DNAH1: variants seen among roughly 807,000 people sequenced by gnomAD.
DNAH1 encodes dynein axonemal heavy chain 1, also known as axonemal beta dynein heavy chain 1.
A neutral mutation model predicts 484.3 loss-of-function variants in DNAH1; 327 were observed. The ratio of observed to expected loss-of-function variants is 0.68; its 90% CI spans 0.62 to 0.74. The LOEUF is 0.74. Ranked by LOEUF, DNAH1 falls within the 30% of genes least tolerant of loss-of-function variation. DNAH1 has a pLI of 0.00. For missense variants in DNAH1, 5,052 were observed against 5,546.8 expected (o/e 0.91, Z 2.83); for synonymous variants, 2,192 against 2,191.9 (o/e 1.00, Z 0.00).
rs1194922869 is a variant in DNAH1, at chr3:52,364,274, C to G, written c.5245-364C>G. On this transcript the variant is annotated intron_variant, in intron 32 of 77. Coordinates refer to ENST00000420323, the MANE Select transcript of DNAH1 (RefSeq NM_015512.5). The surrounding 1 kb of genome is among the most constrained non-coding windows in gnomAD (Gnocchi z 4.2). ...GTTATGGGAGAATGTTAGAAGGAAGCTCAAGGGCCATCAAGGCCAAGCTGA... is the reference window on the plus strand; with the variant it reads ...GTTATGGGAGAATGTTAGAAGGAAGGTCAAGGGCCATCAAGGCCAAGCTGA... Among the ~76,000 whole-genome samples the G allele has an allele frequency of 6.6e-6, 1 of 152,230 alleles. No individual in the cohort carries two copies. Among genetic ancestry groups the G allele is most frequent in the African/African-American group, 2.4e-5 (1 of 41,458 alleles).
intron 8 of DNAH1, among the ~76,000 whole-genome samples, chr3:52,338,252 G>A (rs980392023): frequency 6.6e-6 from 1 of 152,150 alleles, no homozygotes; most frequent in South Asian, 2.1e-4. Context: ...GGGATTACAG[G>A]CGCCTACCAC....
At chr3:52,329,614 T>G (rs984639536) in intron 6 of DNAH1, among the ~76,000 whole-genome samples, 3 of 151,870 alleles carry the variant, frequency 2.0e-5, no homozygotes, top group Non-Finnish European at 4.4e-5. Context: ...GATCATGAGG[T>G]CAGGAGTTCA....
chr3:52,385,096 A>G, intron 53 of DNAH1, 119 bp downstream of exon 53: 1 of 1,265,120 alleles, frequency 7.9e-7, no homozygotes, highest in African/African-American at 1.5e-5. Flanking sequence ...ACGACGTTGA[A>G]GTGGGTGGCT....
intron 1 of DNAH1, among the ~76,000 whole-genome samples, chr3:52,319,569 C>T (rs1701068770): frequency 6.6e-6 from 1 of 152,260 alleles, no homozygotes; most frequent in African/African-American, 2.4e-5. Context: ...CTGGCCAGTT[C>T]CCTTCAACAT....
At position 52,361,907 on chromosome 3, in the gene DNAH1, C is replaced by G; in HGVS notation, c.4980+141C>G. 1 of 895,232 alleles carries G rather than the reference C, an allele frequency of 1.1e-6. No individual in the cohort carries two copies. The highest frequency in any genetic ancestry group is 1.7e-6 in the Non-Finnish European group (1 of 593,074). 55.5% of individuals were successfully genotyped at this position (895,232 alleles called of 1,614,324 possible). A position where few individuals can be genotyped will look rare whatever the true frequency, so the allele number is the denominator to read the frequency against. ...CTTGTCCCGGGGGCACACCCTAACC[C>G]CAGTCTGTGGGCAGCTCCCAGGCCA... On this transcript the variant is annotated intron_variant, in intron 30 of 77. Transcript: ENST00000420323. The surrounding 1 kb of genome is among the most constrained non-coding windows in gnomAD (Gnocchi z 5.6).
rs1329395615 is a variant in DNAH1, at chr3:52,360,095, G to A, written c.4571+16G>A. ...CACAGCTGAGGTGAGGACATGGGGG[G>A]CGCCCCCAGGGCCAGAGCAGCTGCC... On this transcript the variant is annotated intron_variant, in intron 27 of 77. Transcript: ENST00000420323. 18 of 1,613,554 alleles carry A rather than the reference G, an allele frequency of 1.1e-5. No homozygotes were observed. Among genetic ancestry groups the A allele is most frequent in the Non-Finnish European group, 1.5e-5 (18 of 1,179,842 alleles).
At position 52,346,865 on chromosome 3, in the gene DNAH1, A is replaced by G. The variant is rs957522247; in HGVS notation, c.1955+95A>G. ...GTCAGGGACCAGGGCCAGGGTGCCC[A>G]TCCATGCCAGGTCCCAGGCAGTAAG... On this transcript the variant is annotated intron_variant, in intron 11 of 77. Transcript: ENST00000420323. The G allele has an allele frequency of 4.4e-6, 6 of 1,370,172 alleles. No individual in the cohort carries two copies. In the Admixed American group the frequency reaches 6.7e-5, roughly 15 times the overall value. The allele number at this position is 1,370,172 out of a possible 1,614,324, so 84.9% of individuals were successfully genotyped here.
chr3:52,323,871 A>G lies in DNAH1; in HGVS notation c.397A>G (p.Thr133Ala). 2 of 1,575,180 alleles carry G rather than the reference A, an allele frequency of 1.3e-6. No homozygotes were observed. The highest frequency in any genetic ancestry group is 1.7e-6 in the Non-Finnish European group (2 of 1,160,228). ...LLRQADLDKF[T>A]PRVGSFEVPE... is the part of the protein sequence containing the mutation. ...GCGGCAGGCTGACCTTGACAAGTTC[A>G]CCCCAAGAGGTCAGTGCTCAGGAGG... is the stretch of plus-strand genomic sequence containing the variant. Residue 133 changes from threonine (T) to alanine (A), a missense_variant, in exon 3 of 78, where the codon ACC becomes GCC. This residue lies in a region of DNAH1 where 1,263 missense variants were observed against 1,218.8 expected (regional missense o/e 1.04). Coordinates refer to ENST00000420323, the MANE Select transcript of DNAH1 (RefSeq NM_015512.5).
chr3:52,357,974 C>T lies in DNAH1; in HGVS notation c.4057C>T (p.Leu1353=), dbSNP rs894473407. The change falls in exon 24 of 78, where the codon CTG becomes TTG. Residue 1353 remains leucine (L), a synonymous_variant. Coordinates refer to ENST00000420323, the MANE Select transcript of DNAH1 (RefSeq NM_015512.5). ...GGACCCCACGGCCGTGCAGCCACAC[C>T]TGCGCAAGTGCTTCGAGAACATCGC... The part of the protein sequence containing the change: ...TKDPTAVQPH[L]RKCFENIARL... 1 of 1,612,460 alleles carries T rather than the reference C, an allele frequency of 6.2e-7. No homozygotes were observed. The highest frequency in any genetic ancestry group is 1.7e-5 in the Admixed American group (1 of 59,930).
chr3:52,311,040 C>A, the DNAH1 span, among the ~76,000 whole-genome samples: 5 of 152,216 alleles, frequency 3.3e-5, no homozygotes, highest in Admixed American at 6.5e-5. Context: ...TACACACCCC[C>A]TTGTTTTTCA....
chr3:52,350,944 G>A (rs1305706005), intron 16 of DNAH1, among the ~76,000 whole-genome samples: 1 of 152,204 alleles, frequency 6.6e-6, no homozygotes, highest in African/African-American at 2.4e-5. Context: ...CGCCTCCAGG[G>A]TTCAAGTGAT....
Position 52,375,981 on chromosome 3 carries a change from C to T in DNAH1, c.7186C>T (p.Arg2396Trp), listed in dbSNP as rs771741555. 16 of 1,612,038 alleles carry T rather than the reference C, an allele frequency of 9.9e-6. No homozygotes were observed. Among genetic ancestry groups the T allele is most frequent in the African/African-American group, 1.3e-5 (1 of 74,752 alleles). ...TGGACTCCTTGGAGAAAAAAGCTAC[C>T]GGGAGCGTGTGCGTAAGTGTGGGCC... is the stretch of plus-strand genomic sequence containing the variant. ...LDGLLGEKSY[R>W]ERVPGAPHIA... The change falls in exon 46 of 78, where the codon CGG becomes TGG. Residue 2396 changes from arginine to tryptophan, a missense_variant. Arg to Trp is a moderately radical substitution (Grantham distance 101). This residue lies in a region of DNAH1 where 2,929 missense variants were observed against 3,409.4 expected (regional missense o/e 0.86). Coordinates refer to ENST00000420323, the MANE Select transcript of DNAH1 (RefSeq NM_015512.5).
chr3:52,394,958 C>T lies in DNAH1; in HGVS notation c.10867C>T (p.Gln3623Ter). Residue 3623 changes from glutamine (Q) to a stop codon, truncating the protein, a stop_gained, in exon 68 of 78, where the codon CAG (glutamine) becomes TAG (stop). Coordinates refer to ENST00000420323, the MANE Select transcript of DNAH1 (RefSeq NM_015512.5). LOFTEE classifies it high-confidence loss of function. ...GIWDQYLDQFQKLLVLRCLRG... is the reference protein window; with the variant it reads ...GIWDQYLDQF The stretch of plus-strand genomic sequence containing the variant: ...CTGGGACCAGTACCTAGACCAGTTC[C>T]AGAAGCTGCTAGTCCTCCGCTGCCT... 6.2e-7 allele frequency: 1 copy of T among 1,613,538 alleles called. No homozygotes were observed. The highest frequency in any genetic ancestry group is 8.5e-7 in the Non-Finnish European group (1 of 1,179,718).
rs929845081 is a variant in DNAH1 at position 52,364,628 on chromosome 3, A to G, written c.5245-10A>G. The G allele has an allele frequency of 9.9e-6, 16 of 1,613,786 alleles. No individual in the cohort carries two copies. The highest frequency in any genetic ancestry group is 1.4e-5 in the Non-Finnish European group (16 of 1,179,866). On this transcript the variant is annotated splice_polypyrimidine_tract_variant and intron_variant, in intron 32 of 77. Transcript: ENST00000420323. The surrounding 1 kb of genome is among the most constrained non-coding windows in gnomAD (Gnocchi z 4.2). The stretch of plus-strand genomic sequence containing the variant: ...AGTGCTCACCCATGCCTCCTTCTGT[A>G]TGGCGACAGGATCACTATGACTTCG...
At chr3:52,311,049 C>T in the DNAH1 span, among the ~76,000 whole-genome samples, 1 of 152,192 alleles carries the variant, frequency 6.6e-6, no homozygotes, top group Non-Finnish European at 1.5e-5. Context: ...CCTTGTTTTT[C>T]ACACCCGGGA....
At chr3:52,374,010 A>C in intron 44 of DNAH1, 1 of 1,055,874 alleles carries the variant, frequency 9.5e-7, no homozygotes, top group East Asian at 2.4e-5. Flanking sequence ...GCAGATTTCC[A>C]ATCTAATATA....
At chr3:52,350,839 C>T (rs1193257453) in intron 16 of DNAH1, among the ~76,000 whole-genome samples, 2 of 152,348 alleles carry the variant, frequency 1.3e-5, no homozygotes, top group Non-Finnish European at 2.9e-5. Context: ...TGTCAATGGC[C>T]TGGCACATGT....
intron 8 of DNAH1, among the ~76,000 whole-genome samples, chr3:52,340,496 G>C (rs1054501801): frequency 6.6e-6 from 1 of 151,470 alleles, no homozygotes; most frequent in Admixed American, 6.6e-5. Flanking sequence ...GAGCAGTGGT[G>C]TGATCTCAGC....
intron 53 of DNAH1, 136 bp downstream of exon 53, chr3:52,385,113 C>G: frequency 2.5e-6 from 3 of 1,188,542 alleles, no homozygotes; most frequent in Middle Eastern, 5.7e-4. Context: ...GGCTTCCCCC[C>G]TCATCAAAAG....
Sources: allele counts gnomAD v4.1 joint callset (sites outside exome capture counted in the v4.1 genomes callset), GRCh38; gene constraint gnomAD v4.1.1; regional missense constraint gnomAD v4.1.1; non-coding constraint Gnocchi (gnomAD v3.1); transcripts MANE v1.5; gene names NCBI Gene and HGNC (gene_info 2026-07-23, HGNC 2026-07-21).